DPP6: variants seen among roughly 807,000 people sequenced by gnomAD.
DPP6 encodes the protein dipeptidyl peptidase like 6.
DPP6 carries 69 observed loss-of-function variants against 122.6 expected under a neutral mutation model. The ratio of observed to expected loss-of-function variants is 0.56; its 90% CI spans 0.46 to 0.69. The LOEUF (loss-of-function observed/expected upper bound fraction) is 0.69, where lower values mean the gene tolerates loss of function less well. Among genes scored for constraint, DPP6 ranks in the 30% least tolerant of loss-of-function variants. The pLI is 0.00. For missense variants in DPP6, 928 were observed against 1,116.9 expected, an observed-to-expected ratio of 0.83 and a Z score of 2.41; for synonymous variants, 418 against 433.1, an observed-to-expected ratio of 0.97 and a Z score of 0.43.
At chr7:154,784,000 A>G (rs547216951) in intron 10 of DPP6, among the ~76,000 whole-genome samples, 1 of 152,188 alleles carries the variant, frequency 6.6e-6, no homozygotes, top group South Asian at 2.1e-4. Context: ...ATCATTTTCT[A>G]TAGGGGCAAA....
intron 1 of DPP6, among the ~76,000 whole-genome samples, chr7:154,091,108 A>G (rs934731071): frequency 4.8e-5 from 7 of 147,118 alleles, no homozygotes; most frequent in African/African-American, 7.8e-5. Flanking sequence ...GCAACAGAGC[A>G]AGACTCCTTC....
rs193136431 is a variant in DPP6 at position 154,129,761 on chromosome 7, G to A, written c.243+76698G>A. 1.4e-3 allele frequency among the ~76,000 whole-genome samples: 209 copies of A among 152,176 alleles called. 1 individual carries two copies. The highest frequency in any genetic ancestry group is 4.7e-3 in the African/African-American group (194 of 41,520). On this transcript the variant is annotated intron_variant, in intron 1 of 25. Coordinates refer to ENST00000377770, the MANE Select transcript of DPP6 (RefSeq NM_130797.4). ...AAAAAGACAAAACAATTAGCCAGGC[G>A]TGGTGGTGGGCACCTGTAGTCCCAG... is the stretch of plus-strand genomic sequence containing the variant.
chr7:153,859,464 G>A, the DPP6 span, among the ~76,000 whole-genome samples: 2 of 152,176 alleles, frequency 1.3e-5, no homozygotes, highest in East Asian at 3.9e-4. Flanking sequence ...ATGTTGTGCA[G>A]AAAAAAACTT....
chr7:154,630,421 A>G (rs1053877231), intron 5 of DPP6, among the ~76,000 whole-genome samples: 2 of 152,254 alleles, frequency 1.3e-5, no homozygotes, highest in African/African-American at 4.8e-5. Flanking sequence ...TCATGTTTAC[A>G]TGGACAGTAA....
the DPP6 span, among the ~76,000 whole-genome samples, chr7:153,759,538 G>C: frequency 1.3e-5 from 2 of 151,882 alleles, no homozygotes; most frequent in African/African-American, 4.8e-5. Flanking sequence ...TCACCATGTT[G>C]GCAAGGCTGG....
intron 17 of DPP6, 49 bp downstream of exon 17, chr7:154,853,876 G>A: frequency 6.2e-7 from 1 of 1,608,742 alleles, no homozygotes; most frequent in Non-Finnish European, 8.5e-7. Flanking sequence ...CAGGAGAAAG[G>A]AAGCAAAACA....
intron 7 of DPP6, among the ~76,000 whole-genome samples, chr7:154,677,527 G>A (rs965154647): frequency 6.6e-6 from 1 of 152,210 alleles, no homozygotes; most frequent in Non-Finnish European, 1.5e-5. Flanking sequence ...CTAAGATATG[G>A]AGGAAGAGCT....
chr7:154,591,917 A>C (rs574746848), intron 5 of DPP6, among the ~76,000 whole-genome samples: 5 of 152,362 alleles, frequency 3.3e-5, no homozygotes, highest in East Asian at 3.9e-4. Flanking sequence ...GGATGAGGAC[A>C]TGGGTGCCCT....
chr7:154,060,347 C>T (rs375488507), intron 1 of DPP6, among the ~76,000 whole-genome samples: 20,574 of 121,652 alleles, frequency 0.17, 1,889 homozygotes, highest in Non-Finnish European at 0.2. Context: ...GCACCCCCCG[C>T]GAGGCAGGGA....
chr7:154,042,156 C>A (rs1359929386), intron 1 of DPP6, among the ~76,000 whole-genome samples: 2 of 152,138 alleles, frequency 1.3e-5, no homozygotes, highest in Non-Finnish European at 1.5e-5. Flanking sequence ...TGTTGGCAGG[C>A]CAGGGGAGGG....
chr7:153,892,746 G>A (rs907423065), intron 1 of DPP6, among the ~76,000 whole-genome samples: 1 of 152,086 alleles, frequency 6.6e-6, no homozygotes, highest in Non-Finnish European at 1.5e-5. Flanking sequence ...CTAAATGGGA[G>A]CAGTGTAGCA....
chr7:154,032,204 G>C (rs1465989983), intron 1 of DPP6, among the ~76,000 whole-genome samples: 1 of 152,024 alleles, frequency 6.6e-6, no homozygotes, highest in South Asian at 2.1e-4. Flanking sequence ...ACTCAAAATT[G>C]GATATCTGAT....
chr7:154,485,433 A>T (rs1421692307), intron 3 of DPP6, among the ~76,000 whole-genome samples: 2 of 152,172 alleles, frequency 1.3e-5, no homozygotes, highest in Non-Finnish European at 2.9e-5. Flanking sequence ...GTTGTCTGGC[A>T]TTAGGAACCC....
intron 1 of DPP6, among the ~76,000 whole-genome samples, chr7:154,192,364 A>G (rs1798655862): frequency 1.3e-5 from 2 of 152,220 alleles, no homozygotes; most frequent in Admixed American, 1.3e-4. Context: ...TCCCTACTAC[A>G]ATTAGCTAAC....
chr7:154,117,337 G>A (rs1485569044), intron 1 of DPP6, among the ~76,000 whole-genome samples: 1 of 152,126 alleles, frequency 6.6e-6, no homozygotes, highest in Non-Finnish European at 1.5e-5. Context: ...TTTAATCAGA[G>A]ATTCTTTTAA....
At chr7:154,344,330 C>G (rs1161852754) in intron 1 of DPP6, among the ~76,000 whole-genome samples, 1 of 152,142 alleles carries the variant, frequency 6.6e-6, no homozygotes, top group African/African-American at 2.4e-5. Flanking sequence ...AACATCATTG[C>G]TCATCAGAGA....
the DPP6 span, among the ~76,000 whole-genome samples, chr7:153,844,970 C>A: frequency 2.6e-5 from 4 of 152,054 alleles, no homozygotes; most frequent in African/African-American, 9.7e-5. Flanking sequence ...GCACCAGGAG[C>A]AATACAAGGA....
At chr7:153,835,747 G>A in the DPP6 span, among the ~76,000 whole-genome samples, 29 of 152,150 alleles carry the variant, frequency 1.9e-4, no homozygotes, top group African/African-American at 5.6e-4. Context: ...ATCATCCAAC[G>A]ATTGGTTTTG....
chr7:154,425,621 GGTGTGTGTGTGTGT>G (rs3056535), intron 1 of DPP6, among the ~76,000 whole-genome samples: 5 of 121,460 alleles, frequency 4.1e-5, no homozygotes, highest in African/African-American at 1.3e-4. Context: ...TGTGTGTGTG[GGTGTGTGTGTGTGT>G]GTGTGTGTGT....
Sources: allele counts gnomAD v4.1 joint callset (sites outside exome capture counted in the v4.1 genomes callset), GRCh38; gene constraint gnomAD v4.1.1; transcripts MANE v1.5; gene names NCBI Gene and HGNC (gene_info 2026-07-23, HGNC 2026-07-21).